Variants in LINC00632 observed in about 807,000 individuals in gnomAD.
LINC00632 encodes the protein ALDOA related specific transcript.
In LINC00632 at chrX:140,762,242, A is replaced by AGAGAGAAAGAGAGAGAGAGC. The variant is rs1286418753; in HGVS notation, n.192-9835_192-9834insAGAGAAAGAGAGAGAGAGCG. Among the ~76,000 whole-genome samples, 137 of 99,820 alleles carry AGAGAGAAAGAGAGAGAGAGC rather than the reference A, an allele frequency of 1.4e-3. 2 individuals carry two copies. The highest frequency in any genetic ancestry group is 5.0e-3 in the African/African-American group (132 of 26,551). The allele number at this position is 99,820 out of a possible 115,157, so 86.7% of individuals were successfully genotyped here. On this transcript the variant is annotated intron_variant and non_coding_transcript_variant, in intron 3 of 4. Transcript: ENST00000648200. ...GAGAGAGAGAGAGAGAGAGAGAGAG[A>AGAGAGAAAGAGAGAGAGAGC]GCACTCTTATCTTTCCCCACTAGAT...
chrX:140,734,138 T>C (rs972833320), intron 3 of LINC00632, among the ~76,000 whole-genome samples: 1 of 112,167 alleles, frequency 8.9e-6, no homozygotes, highest in Non-Finnish European at 1.9e-5. Context: ...CTCTCTAACT[T>C]TTCCCCCTGC....
exon 5 of LINC00632, among the ~76,000 whole-genome samples, chrX:140,781,885 G>C (rs1224669727): frequency 1.8e-5 from 2 of 111,684 alleles, no homozygotes; most frequent in Non-Finnish European, 1.9e-5. Flanking sequence ...AACCTGTAAA[G>C]CCTTAAATAT....
At chrX:140,739,762 A>G (rs1167647724) in intron 3 of LINC00632, among the ~76,000 whole-genome samples, 1 of 110,466 alleles carries the variant, frequency 9.1e-6, no homozygotes, top group Non-Finnish European at 1.9e-5. Flanking sequence ...TCTGGCCCAC[A>G]GTGACTGTAA....
intron 2 of LINC00632, among the ~76,000 whole-genome samples, chrX:140,732,334 C>A (rs1368930266): frequency 8.9e-6 from 1 of 111,957 alleles, no homozygotes. Context: ...GCCATGTATA[C>A]CCACACAGAA....
intron 2 of LINC00632, among the ~76,000 whole-genome samples, chrX:140,722,364 TAA>T (rs78229215): frequency 2.5e-4 from 23 of 93,273 alleles, no homozygotes; most frequent in Non-Finnish European, 1.9e-4. Flanking sequence ...CACCTGCAGT[TAA>T]AAAAAAAAAA....
intron 3 of LINC00632, among the ~76,000 whole-genome samples, chrX:140,756,383 A>G (rs1931494248): frequency 1.8e-5 from 2 of 112,109 alleles, no homozygotes; most frequent in African/African-American, 6.5e-5. Flanking sequence ...GTGTAGAAAG[A>G]CTCAAGATCG....
intron 2 of LINC00632, among the ~76,000 whole-genome samples, chrX:140,723,419 C>T (rs1001738505): frequency 7.7e-5 from 1 of 12,967 alleles, no homozygotes. Flanking sequence ...ACACACATTC[C>T]ATACACACAC....
intron 2 of LINC00632, chrX:140,713,994 C>T: frequency 3.9e-6 from 1 of 254,701 alleles, no homozygotes; most frequent in Non-Finnish European, 7.4e-6. Context: ...CCAGTAGACT[C>T]ACCCCACAGC....
chrX:140,754,710 G>T (rs1306965495), intron 3 of LINC00632, among the ~76,000 whole-genome samples: 1 of 110,271 alleles, frequency 9.1e-6, no homozygotes, highest in East Asian at 2.8e-4. Flanking sequence ...TTTTCTACTG[G>T]GGGATTTTTT....
chrX:140,726,727 C>A (rs1930969407), intron 2 of LINC00632, among the ~76,000 whole-genome samples: 1 of 112,066 alleles, frequency 8.9e-6, no homozygotes, highest in Admixed American at 9.5e-5. Context: ...CGGCTTCTTC[C>A]ACACCTCCTG....
exon 5 of LINC00632, among the ~76,000 whole-genome samples, chrX:140,791,353 T>C (rs1410112249): frequency 8.9e-6 from 1 of 112,036 alleles, no homozygotes; most frequent in African/African-American, 3.2e-5. Flanking sequence ...GATTTGGTAA[T>C]GGTGTTTTGG....
intron 3 of LINC00632, among the ~76,000 whole-genome samples, chrX:140,756,118 A>C (rs1931489435): frequency 8.9e-6 from 1 of 111,878 alleles, no homozygotes; most frequent in African/African-American, 3.2e-5. Context: ...GTAAGGGGAT[A>C]GTACTATTAA....
chrX:140,768,919 T>A (rs911902791), intron 3 of LINC00632, among the ~76,000 whole-genome samples: 2 of 107,369 alleles, frequency 1.9e-5, no homozygotes, highest in Admixed American at 1.1e-4. Flanking sequence ...TTTCTGATGG[T>A]CATATAATGG....
At chrX:140,750,727 G>A (rs753290884) in intron 3 of LINC00632, among the ~76,000 whole-genome samples, 8 of 110,630 alleles carry the variant, frequency 7.2e-5, no homozygotes, top group Non-Finnish European at 1.3e-4. Context: ...CGTCACCTGA[G>A]CAGTGTACAC....
chrX:140,713,066 C>T (rs1930550692), intron 2 of LINC00632, among the ~76,000 whole-genome samples: 1 of 111,577 alleles, frequency 9.0e-6, no homozygotes, highest in Non-Finnish European at 1.9e-5. Flanking sequence ...TAGCAGAATG[C>T]GGCTGTGGGG....
chrX:140,771,068 A>G (rs920078807), intron 3 of LINC00632, among the ~76,000 whole-genome samples: 1 of 111,329 alleles, frequency 9.0e-6, no homozygotes, highest in East Asian at 2.8e-4. Flanking sequence ...ACACTTGTGG[A>G]TGGATAGTCA....
chrX:140,777,992 T>C (rs1188274960), exon 5 of LINC00632, among the ~76,000 whole-genome samples: 1 of 112,324 alleles, frequency 8.9e-6, no homozygotes, highest in African/African-American at 3.2e-5. Flanking sequence ...CATAATGCCA[T>C]AGAAACAAGG....
Position 140,734,633 on chromosome X carries a change from C to G in LINC00632, n.191+669C>G, listed in dbSNP as rs770309352. On this transcript the variant is annotated intron_variant and non_coding_transcript_variant, in intron 3 of 4. Coordinates refer to ENST00000648200, the Ensembl canonical transcript of LINC00632. ...GAATTGAAAAAAAATTTCTGTGACTCTATGCCTCAAAAGATTAAAATTTTT... is the reference window on the plus strand; with the variant it reads ...GAATTGAAAAAAAATTTCTGTGACTGTATGCCTCAAAAGATTAAAATTTTT... Among the ~76,000 whole-genome samples, 4 of 110,534 alleles carry G rather than the reference C, an allele frequency of 3.6e-5. No homozygotes were observed. The Admixed American group carries it at 3.9e-4, about 11-fold the overall frequency.
rs760972835 is a variant in LINC00632 at position 140,722,394 on chromosome X, C to G, written n.104+10738C>G. Among the ~76,000 whole-genome samples the G allele has an allele frequency of 2.4e-4, 26 of 108,573 alleles. No homozygotes were observed. In the East Asian group the frequency reaches 7.1e-3, roughly 30 times the overall value. 94.3% of individuals were successfully genotyped at this position (108,573 alleles called of 115,157 possible). On this transcript the variant is annotated intron_variant and non_coding_transcript_variant, in intron 2 of 4. Transcript: ENST00000648200. ...AAAAAAAAAAACAACCTCACAGACA[C>G]AGCATTCATCACCCGAATCTGTTAC...
Sources: allele counts gnomAD v4.1 joint callset (sites outside exome capture counted in the v4.1 genomes callset), GRCh38; gene constraint gnomAD v4.1.1; transcripts MANE v1.5; gene names NCBI Gene and HGNC (gene_info 2026-07-23, HGNC 2026-07-21).